The following GFI1B variants were observed in gnomAD, a reference collection of about 807,000 sequenced individuals.
The protein encoded by GFI1B is growth factor independent 1B transcriptional repressor.
GFI1B carries 20 observed loss-of-function variants against 35.3 expected under a neutral mutation model. The observed-to-expected ratio is 0.57, with a 90% CI of 0.40 to 0.82. The LOEUF is 0.82. Among genes scored for constraint, GFI1B ranks in the 40% least tolerant of loss-of-function variants. The pLI is 0.00. For missense variants in GFI1B, 430 were observed against 446.3 expected (o/e 0.96, Z 0.33); for synonymous variants, 178 against 177.6 (o/e 1.00, Z -0.02).
At chr9:132,972,057 A>C (rs1406696483) in intron 1 of GFI1B, among the ~76,000 whole-genome samples, 3 of 149,186 alleles carry the variant, frequency 2.0e-5, no homozygotes, top group Non-Finnish European at 3.0e-5. Context: ...GGCAGATCTC[A>C]TGGATTTAGG....
At chr9:132,947,534 C>T (rs1426697642) in intron 1 of GFI1B, among the ~76,000 whole-genome samples, 3 of 151,910 alleles carry the variant, frequency 2.0e-5, no homozygotes, top group Non-Finnish European at 4.4e-5. Context: ...AGTGGCCTGG[C>T]GCAGTAGCTC....
intron 1 of GFI1B, among the ~76,000 whole-genome samples, chr9:132,980,826 T>C (rs1848799266): frequency 1.3e-5 from 2 of 152,260 alleles, no homozygotes; most frequent in South Asian, 4.1e-4. Context: ...TTCATCCATG[T>C]TGTAGCATGC....
chr9:132,947,247 G>A (rs1848127323), intron 1 of GFI1B: 1 of 152,126 alleles, frequency 6.6e-6, no homozygotes, highest in Non-Finnish European at 1.5e-5. Flanking sequence ...TTCTGAACAG[G>A]TGAACCGCCC....
chr9:132,987,022 C>T (rs935858384), intron 2 of GFI1B, among the ~76,000 whole-genome samples: 1 of 152,194 alleles, frequency 6.6e-6, no homozygotes, highest in South Asian at 2.1e-4. Context: ...CATGTGGGGC[C>T]TCACTGGAGG....
intron 6 of GFI1B, among the ~76,000 whole-genome samples, chr9:132,990,670 C>T (rs996794982): frequency 2.0e-5 from 3 of 152,246 alleles, no homozygotes; most frequent in Admixed American, 2.0e-4. Context: ...ACCCTATAAT[C>T]CAGTAGGGGT....
intron 1 of GFI1B, among the ~76,000 whole-genome samples, chr9:132,985,194 C>T (rs1848998205): frequency 6.6e-6 from 1 of 152,198 alleles, no homozygotes; most frequent in Non-Finnish European, 1.5e-5. Flanking sequence ...GGGAACCTCA[C>T]AGGCTGAGTG....
chr9:132,955,489 C>T (rs555917718), intron 1 of GFI1B, among the ~76,000 whole-genome samples: 101 of 152,082 alleles, frequency 6.6e-4, no homozygotes, highest in African/African-American at 2.4e-3. Flanking sequence ...GGTGAATTCT[C>T]CTATGTTTCC....
intron 1 of GFI1B, among the ~76,000 whole-genome samples, chr9:132,964,904 T>G (rs1470290749): frequency 6.6e-6 from 1 of 152,114 alleles, no homozygotes; most frequent in Non-Finnish European, 1.5e-5. Context: ...CATGCCCGGC[T>G]AATTTTTGTA....
chr9:132,981,356 T>G (rs1421872293), intron 1 of GFI1B, among the ~76,000 whole-genome samples: 6 of 152,192 alleles, frequency 3.9e-5, no homozygotes, highest in Non-Finnish European at 7.4e-5. Flanking sequence ...GTAGATTCAC[T>G]CACTTTTGAC....
At chr9:132,976,016 C>T (rs1354144833), upstream of GFI1B, among the ~76,000 whole-genome samples, 1 of 152,164 alleles carries the variant, frequency 6.6e-6, no homozygotes, top group Admixed American at 6.5e-5. Flanking sequence ...GCTTCATCTG[C>T]AGGCTGGGTC....
intron 6 of GFI1B, 143 bp downstream of exon 6, chr9:132,990,050 C>G: frequency 1.4e-6 from 1 of 733,052 alleles, no homozygotes; most frequent in South Asian, 1.6e-5. Flanking sequence ...GGGCTGGGCA[C>G]CTGTGCTACT....
chr9:132,946,403 A>G (rs1388583105), intron 1 of GFI1B, among the ~76,000 whole-genome samples: 1 of 152,126 alleles, frequency 6.6e-6, no homozygotes, highest in Non-Finnish European at 1.5e-5. Context: ...TACTCCAGTT[A>G]ATGTTATTTT....
downstream of GFI1B, among the ~76,000 whole-genome samples, chr9:132,993,164 C>T (rs868501204): frequency 2.6e-5 from 4 of 152,086 alleles, no homozygotes; most frequent in Non-Finnish European, 4.4e-5. Flanking sequence ...CATGGTGGCG[C>T]GTGCCTGTAA....
chr9:132,965,670 C>G (rs1280936953), intron 1 of GFI1B, among the ~76,000 whole-genome samples: 1 of 152,172 alleles, frequency 6.6e-6, no homozygotes, highest in Admixed American at 6.5e-5. Flanking sequence ...TGGCGCAGCT[C>G]CAGGCCAAGG....
chr9:132,984,456 C>T (rs1003787132), intron 1 of GFI1B, among the ~76,000 whole-genome samples: 1 of 152,184 alleles, frequency 6.6e-6, no homozygotes, highest in African/African-American at 2.4e-5. Flanking sequence ...ACCCCAGAGG[C>T]CTTCAAGGTC....
upstream of GFI1B, among the ~76,000 whole-genome samples, chr9:132,976,269 A>G (rs1211831002): frequency 4.6e-5 from 7 of 152,228 alleles, no homozygotes; most frequent in Non-Finnish European, 8.8e-5. Flanking sequence ...CGAACTTAGG[A>G]AGCACTTCCA....
chr9:132,990,098 A>G (rs1849236577), intron 6 of GFI1B, among the ~76,000 whole-genome samples, 191 bp downstream of exon 6: 1 of 152,262 alleles, frequency 6.6e-6, no homozygotes, highest in Non-Finnish European at 1.5e-5. Flanking sequence ...TACAGGGAGG[A>G]AACAGCAAAA....
At chr9:132,978,260 G>T (rs905095115), upstream of GFI1B, among the ~76,000 whole-genome samples, 2 of 150,580 alleles carry the variant, frequency 1.3e-5, no homozygotes, top group Non-Finnish European at 3.0e-5. Flanking sequence ...AGGAGGCAGG[G>T]AGGGAGGAAG....
rs770253292 is a variant in GFI1B at position 132,986,793 on chromosome 9, G to A, written c.100+15G>A. 9.0e-6 allele frequency: 14 copies of A among 1,557,266 alleles called. No individual in the cohort carries two copies. The highest frequency in any genetic ancestry group is 6.8e-5 in the East Asian group (3 of 44,066). On this transcript the variant is annotated intron_variant, in intron 2 of 6. Transcript: ENST00000372122. ...CCTTACCCCGGGTGAGTCAGAGCCCGGGCTGGCGCCTGCTGCACCCACGGG... is the reference window on the plus strand; with the variant it reads ...CCTTACCCCGGGTGAGTCAGAGCCCAGGCTGGCGCCTGCTGCACCCACGGG...
Sources: gnomAD v4.1 joint callset for allele counts (sites outside exome capture counted in the v4.1 genomes callset) on GRCh38, gnomAD v4.1.1 for gene constraint, MANE v1.5 for transcripts, NCBI Gene and HGNC (gene_info 2026-07-23, HGNC 2026-07-21) for gene names.